SPAG17: variants seen among roughly 807,000 people sequenced by gnomAD.
SPAG17 encodes sperm-associated antigen 17.
SPAG17 carries 169 observed loss-of-function variants against 273.6 expected under a neutral mutation model. The ratio of observed to expected loss-of-function variants is 0.62; its 90% CI spans 0.55 to 0.70. The LOEUF (loss-of-function observed/expected upper bound fraction) is 0.70. Ranked by LOEUF, SPAG17 falls within the 30% of genes least tolerant of loss-of-function variation. The probability of loss-of-function intolerance (pLI) is 0.00; values close to 1 mark genes in which losing one functional copy is unlikely to be tolerated. For synonymous variants in SPAG17, 825 were observed against 873.2 expected (o/e 0.94, Z 0.97); for missense variants, 2,557 against 2,627.8 (o/e 0.97, Z 0.59).
chr1:118,064,250 G>T (rs924582540), intron 18 of SPAG17, among the ~76,000 whole-genome samples: 4 of 152,060 alleles, frequency 2.6e-5, no homozygotes, highest in Non-Finnish European at 4.4e-5. Context: ...ATACACAAAG[G>T]ATTATAAATC....
chr1:118,071,839 G>A (rs1316347060), intron 17 of SPAG17, among the ~76,000 whole-genome samples: 1 of 152,004 alleles, frequency 6.6e-6, no homozygotes, highest in Non-Finnish European at 1.5e-5. Flanking sequence ...CAGTCTAGCA[G>A]GTCCAACACC....
intron 29 of SPAG17, 74 bp downstream of exon 29, chr1:118,015,891 A>T: frequency 7.9e-7 from 1 of 1,264,012 alleles, no homozygotes; most frequent in Non-Finnish European, 1.1e-6. Context: ...ATTATCAGCT[A>T]GGCACTCTTT....
chr1:118,101,911 G>C lies in SPAG17; in HGVS notation c.463C>G (p.Pro155Ala). The C allele has an allele frequency of 6.2e-7, 1 of 1,612,262 alleles. No homozygotes were observed. The highest frequency in any genetic ancestry group is 8.5e-7 in the Non-Finnish European group (1 of 1,179,536). Reference protein sequence around the residue: ...ENEKKVIEDKPKLEKDKGKAK... With the variant: ...ENEKKVIEDKAKLEKDKGKAK... ...TTCCCTTTATCCTTTTCTAACTTAG[G>C]TTTGTCTTCTATTACCTGGAATGAG... is the stretch of plus-strand genomic sequence containing the variant. Residue 155 changes from proline (P) to alanine (A), a missense_variant, in exon 5 of 49, where the codon CCT becomes GCT. Transcript: ENST00000336338.
intron 15 of SPAG17, among the ~76,000 whole-genome samples, chr1:118,075,247 C>T (rs532051173): frequency 2.0e-3 from 305 of 152,272 alleles, no homozygotes; most frequent in African/African-American, 6.9e-3. Flanking sequence ...TGGACCAATA[C>T]GAGTCATGCA....
Position 117,970,055 on chromosome 1 carries a change from C to A in SPAG17, c.6387+1G>T, listed in dbSNP as rs751885199. 3.1e-6 allele frequency: 5 copies of A among 1,613,540 alleles called. No homozygotes were observed. The South Asian group carries it at 5.5e-5, about 18-fold the overall frequency. On this transcript the variant is annotated splice_donor_variant, in intron 46 of 48. Coordinates refer to ENST00000336338, the MANE Select transcript of SPAG17 (RefSeq NM_206996.4). LOFTEE classifies it high-confidence loss of function. Reference sequence around the variant, plus strand: ...CACAACAGATGACATATAGGACTTACAGGTCCAGGTTTGTAAGTCACTTTC... The same window carrying A: ...CACAACAGATGACATATAGGACTTAAAGGTCCAGGTTTGTAAGTCACTTTC...
intron 28 of SPAG17, among the ~76,000 whole-genome samples, chr1:118,018,295 C>A (rs1189998183): frequency 6.6e-6 from 1 of 152,024 alleles, no homozygotes; most frequent in African/African-American, 2.4e-5. Context: ...CCTTTCCCAC[C>A]CCACTCTAGA....
chr1:117,959,687 C>CT, intron 48 of SPAG17: 1 of 338,498 alleles, frequency 3.0e-6, no homozygotes, highest in East Asian at 4.8e-5. Context: ...GCTCTCAAAG[C>CT]TTGAGCCTTG....
chr1:118,135,431 G>GTTT (rs764554034), intron 3 of SPAG17, among the ~76,000 whole-genome samples: 1 of 137,936 alleles, frequency 7.2e-6, no homozygotes, highest in African/African-American at 2.6e-5. Flanking sequence ...GTGTGTGTGT[G>GTTT]GGGTATGGTG....
intron 18 of SPAG17, among the ~76,000 whole-genome samples, chr1:118,058,429 A>G (rs1486809548): frequency 6.6e-6 from 1 of 151,652 alleles, no homozygotes; most frequent in East Asian, 1.9e-4. Flanking sequence ...CTGGTTTGAA[A>G]CTCCTGTTCT....
At chr1:118,107,094 A>C (rs1269877229) in intron 4 of SPAG17, among the ~76,000 whole-genome samples, 4 of 152,356 alleles carry the variant, frequency 2.6e-5, no homozygotes, top group East Asian at 3.9e-4. Flanking sequence ...GCAACCTGTA[A>C]GATGGGTAAT....
chr1:118,134,010 A>C (rs1658202496), intron 3 of SPAG17, among the ~76,000 whole-genome samples: 1 of 152,250 alleles, frequency 6.6e-6, no homozygotes, highest in South Asian at 2.1e-4. Flanking sequence ...TAGAATAAAA[A>C]TAAAAGGTTG....
At chr1:118,068,784 T>G (rs1157456203) in intron 17 of SPAG17, among the ~76,000 whole-genome samples, 2 of 152,136 alleles carry the variant, frequency 1.3e-5, no homozygotes, top group Non-Finnish European at 2.9e-5. Flanking sequence ...GATAAAGATT[T>G]TTTTGTTGTT....
intron 3 of SPAG17, among the ~76,000 whole-genome samples, chr1:118,136,368 C>T (rs1158780405): frequency 1.3e-5 from 2 of 152,144 alleles, no homozygotes; most frequent in African/African-American, 4.8e-5. Flanking sequence ...TAACCGCTTC[C>T]TCACTCTCCC....
At chr1:118,093,982 G>C (rs1303281769) in intron 7 of SPAG17, among the ~76,000 whole-genome samples, 2 of 152,190 alleles carry the variant, frequency 1.3e-5, no homozygotes, top group African/African-American at 2.4e-5. Context: ...CCAGAAGTAG[G>C]AAAGCATTGT....
chr1:118,094,817 A>T (rs1459679287), intron 7 of SPAG17, among the ~76,000 whole-genome samples: 1 of 152,248 alleles, frequency 6.6e-6, no homozygotes, highest in Non-Finnish European at 1.5e-5. Context: ...ACCATATCTT[A>T]CAGAAGCATG....
chr1:118,053,350 C>T (rs2101989061), intron 20 of SPAG17, among the ~76,000 whole-genome samples: 1 of 152,020 alleles, frequency 6.6e-6, no homozygotes, highest in East Asian at 1.9e-4. Flanking sequence ...CTCTTGCTTA[C>T]CTAATATTAA....
chr1:118,165,980 T>A (rs563011578), intron 1 of SPAG17, among the ~76,000 whole-genome samples: 3 of 152,322 alleles, frequency 2.0e-5, no homozygotes, highest in East Asian at 3.9e-4. Context: ...AAATATTTGA[T>A]GTGAAGACAG....
chr1:118,063,299 A>G (rs957577380), intron 18 of SPAG17, among the ~76,000 whole-genome samples: 8 of 152,212 alleles, frequency 5.3e-5, no homozygotes, highest in South Asian at 2.1e-4. Context: ...CCAAAAGAAC[A>G]TAGCTGGAGA....
At chr1:118,091,067 C>A (rs1655340946) in intron 10 of SPAG17, among the ~76,000 whole-genome samples, 1 of 152,060 alleles carries the variant, frequency 6.6e-6, no homozygotes, top group Non-Finnish European at 1.5e-5. Flanking sequence ...AAATAAATAA[C>A]ATCAGTCATG....
Sources: allele counts gnomAD v4.1 joint callset (sites outside exome capture counted in the v4.1 genomes callset), GRCh38; gene constraint gnomAD v4.1.1; transcripts MANE v1.5; gene names NCBI Gene and HGNC (gene_info 2026-07-23, HGNC 2026-07-21).